Variants in ALPK2 observed in about 807,000 individuals in gnomAD.
ALPK2 encodes alpha kinase 2.
A neutral mutation model predicts 163.1 loss-of-function variants in ALPK2; 127 were observed. The observed-to-expected ratio is 0.78, with a 90% confidence interval of 0.67 to 0.90. ALPK2 has a LOEUF of 0.90. Ranked by LOEUF, ALPK2 falls within the 40% of genes least tolerant of loss-of-function variation. ALPK2 has a pLI of 0.00. For missense variants in ALPK2, 2,360 were observed against 2,589.6 expected (o/e 0.91, Z 1.92); for synonymous variants, 953 against 959.1 (o/e 0.99, Z 0.12).
intron 4 of ALPK2, among the ~76,000 whole-genome samples, chr18:58,576,387 G>GA (rs1029747765): frequency 6.6e-6 from 1 of 152,070 alleles, no homozygotes; most frequent in Non-Finnish European, 1.5e-5. Context: ...AAGATAAAAG[G>GA]AAAAAGAGTG....
chr18:58,503,085 T>A lies in ALPK2; in HGVS notation c.6247+846A>T, dbSNP rs140308970. On this transcript the variant is annotated intron_variant, in intron 11 of 12. Transcript: ENST00000361673. ...TCCCCTCTCAAATAAGCCATTTGTA[T>A]GTGAGTACCTGTCTCAGGTCTGTCT... 1.3e-4 allele frequency among the ~76,000 whole-genome samples: 20 copies of A among 152,392 alleles called. No homozygotes were observed. In the East Asian group the frequency reaches 3.7e-3, roughly 28 times the overall value.
chr18:58,603,339 C>G (rs1162868848), intron 3 of ALPK2, among the ~76,000 whole-genome samples: 2 of 152,238 alleles, frequency 1.3e-5, no homozygotes, highest in African/African-American at 4.8e-5. Flanking sequence ...CTATTCAACC[C>G]TGTATACACT....
intron 4 of ALPK2, among the ~76,000 whole-genome samples, chr18:58,564,787 T>C (rs1223098105): frequency 6.6e-6 from 1 of 152,210 alleles, no homozygotes; most frequent in Non-Finnish European, 1.5e-5. Flanking sequence ...AGTTGGTTAA[T>C]GGCAGAACCA....
At chr18:58,580,728 A>G in intron 3 of ALPK2, 180 bp from the exon 4 acceptor site, 1 of 624,592 alleles carries the variant, frequency 1.6e-6, no homozygotes, top group South Asian at 2.0e-5. Flanking sequence ...CGGTGCCCCT[A>G]GTGCTGAGAA....
chr18:58,516,329 G>A (rs1293098797), intron 9 of ALPK2, among the ~76,000 whole-genome samples: 20 of 152,118 alleles, frequency 1.3e-4, no homozygotes, highest in Admixed American at 3.3e-4. Context: ...CTCTCACCTC[G>A]AGTTCTATGA....
intron 1 of ALPK2, among the ~76,000 whole-genome samples, chr18:58,615,492 G>C (rs577317726): frequency 1.3e-5 from 2 of 152,308 alleles, no homozygotes; most frequent in African/African-American, 4.8e-5. Context: ...AATGATAATA[G>C]TCTAAGGATT....
chr18:58,489,406 G>A (rs2051359914), intron 12 of ALPK2, among the ~76,000 whole-genome samples: 1 of 152,154 alleles, frequency 6.6e-6, no homozygotes, highest in Non-Finnish European at 1.5e-5. Context: ...CCTAGGCTTG[G>A]TATGGTAGGT....
intron 11 of ALPK2, among the ~76,000 whole-genome samples, chr18:58,503,533 A>C (rs934870500): frequency 6.6e-6 from 1 of 152,142 alleles, no homozygotes; most frequent in Admixed American, 6.5e-5. Context: ...CTCTACAAAA[A>C]AAAAATTTTT....
chr18:58,494,927 C>G (rs1268281292), intron 12 of ALPK2, among the ~76,000 whole-genome samples: 1 of 152,146 alleles, frequency 6.6e-6, no homozygotes, highest in African/African-American at 2.4e-5. Flanking sequence ...CACTGGAGAA[C>G]TTTTTCAATT....
At chr18:58,588,604 GC>G (rs2051999060) in intron 3 of ALPK2, among the ~76,000 whole-genome samples, 1 of 151,952 alleles carries the variant, frequency 6.6e-6, no homozygotes, top group South Asian at 2.1e-4. Context: ...CCACCGACAG[GC>G]CCCAGTGTGT....
chr18:58,604,267 G>C (rs1229405734), intron 3 of ALPK2, among the ~76,000 whole-genome samples: 1 of 152,202 alleles, frequency 6.6e-6, no homozygotes. Context: ...TCCAGGGGTT[G>C]ACGGTATATA....
chr18:58,595,517 G>A (rs1448999884), intron 3 of ALPK2, among the ~76,000 whole-genome samples: 2 of 152,188 alleles, frequency 1.3e-5, no homozygotes, highest in Non-Finnish European at 2.9e-5. Context: ...GGACTCCGGG[G>A]CCCTGGGAAA....
chr18:58,560,423 C>T (rs774491837), intron 4 of ALPK2, among the ~76,000 whole-genome samples: 3 of 152,198 alleles, frequency 2.0e-5, no homozygotes, highest in Non-Finnish European at 4.4e-5. Context: ...TCCCCTCTGT[C>T]CAGCTTCTGC....
intron 3 of ALPK2, among the ~76,000 whole-genome samples, chr18:58,591,707 C>A (rs1220014969): frequency 6.6e-6 from 1 of 152,184 alleles, no homozygotes; most frequent in African/African-American, 2.4e-5. Context: ...AGGAAAGCTT[C>A]AGGCCCTCCC....
chr18:58,481,853 C>T lies in ALPK2; in HGVS notation c.6483G>A (p.Gly2161=), dbSNP rs530988474. The part of the protein sequence containing the change: ...QTNSMTIKKA[G]PETPGEKKT The stretch of plus-strand genomic sequence containing the variant: ...TTTTCTTTTCGCCTGGGGTCTCAGG[C>T]CCTGCCTTCTTTATTGTCATAGAGT... Residue 2161 remains glycine (G), a synonymous_variant, in exon 13 of 13, where the codon GGG becomes GGA. Coordinates refer to ENST00000361673, the MANE Select transcript of ALPK2 (RefSeq NM_052947.4). 18 of 1,614,180 alleles carry T rather than the reference C, an allele frequency of 1.1e-5. No homozygotes were observed. The East Asian group carries it at 3.6e-4, about 32-fold the overall frequency.
At chr18:58,506,138 A>C (rs2051460632) in intron 10 of ALPK2, among the ~76,000 whole-genome samples, 1 of 152,094 alleles carries the variant, frequency 6.6e-6, no homozygotes, top group Admixed American at 6.5e-5. Flanking sequence ...GTGATGTCTC[A>C]TGGGCATCTC....
intron 3 of ALPK2, among the ~76,000 whole-genome samples, chr18:58,605,525 G>A (rs1311082090): frequency 6.6e-6 from 1 of 152,200 alleles, no homozygotes; most frequent in Non-Finnish European, 1.5e-5. Flanking sequence ...TTCCCCCTGT[G>A]AGGCCCACAG....
chr18:58,596,105 GT>G (rs1328889456), intron 3 of ALPK2, among the ~76,000 whole-genome samples: 1 of 152,214 alleles, frequency 6.6e-6, no homozygotes, highest in Non-Finnish European at 1.5e-5. Flanking sequence ...TTAAGAGTTG[GT>G]TTTCCTTCTT....
Position 58,537,483 on chromosome 18 carries a change from CTG to C in ALPK2, c.2702_2703del (p.Thr901SerfsTer2), listed in dbSNP as rs753695027. ...TSTFTLNISH[T>X]ASEGATGENL... ...TTTTCTCCTGTGGCACCTTCACTAG[CTG>C]TGTGTGAAATGTTCAAGGTGAAAGT... is the stretch of plus-strand genomic sequence containing the variant. On this transcript the variant is annotated frameshift_variant, in exon 5 of 13. Coordinates refer to ENST00000361673, the MANE Select transcript of ALPK2 (RefSeq NM_052947.4). LOFTEE classifies it high-confidence loss of function. 1 of 1,611,792 alleles carries C rather than the reference CTG, an allele frequency of 6.2e-7. No homozygotes were observed. The highest frequency in any genetic ancestry group is 2.2e-5 in the East Asian group (1 of 44,836).
Sources: gnomAD v4.1 joint callset for allele counts (sites outside exome capture counted in the v4.1 genomes callset) on GRCh38, gnomAD v4.1.1 for gene constraint, MANE v1.5 for transcripts, NCBI Gene and HGNC (gene_info 2026-07-23, HGNC 2026-07-21) for gene names.